PRPF6: variants seen among roughly 807,000 people sequenced by gnomAD.
The protein encoded by PRPF6 is pre-mRNA-processing factor 6.
PRPF6 carries 42 observed loss-of-function variants against 118.3 expected under a neutral mutation model. That is an observed-to-expected ratio of 0.35 (90% CI 0.28 to 0.46). The LOEUF (loss-of-function observed/expected upper bound fraction) is 0.46, where lower values mean the gene tolerates loss of function less well. Among genes scored for constraint, PRPF6 ranks in the 20% least tolerant of loss-of-function variants. The pLI is 1.00. For missense variants in PRPF6, 662 were observed against 1,255.7 expected, an observed-to-expected ratio of 0.53 and a Z score of 7.15; for synonymous variants, 481 against 485.1, an observed-to-expected ratio of 0.99 and a Z score of 0.11.
intron 14 of PRPF6, among the ~76,000 whole-genome samples, chr20:64,024,899 C>T (rs557541502): frequency 5.5e-4 from 84 of 152,242 alleles, no homozygotes; most frequent in Admixed American, 1.9e-3. Context: ...ACTTACCTCT[C>T]GGTCCCCCCA....
chr20:64,001,502 G>A (rs566833571), intron 9 of PRPF6, among the ~76,000 whole-genome samples: 262 of 152,204 alleles, frequency 1.7e-3, no homozygotes, highest in Non-Finnish European at 3.0e-3. Flanking sequence ...GGATGCTTGG[G>A]CGGTCACTCT....
In PRPF6 at chr20:64,026,809, C is replaced by A. The variant is rs1285574715; in HGVS notation, c.2029-173C>A. Among the ~76,000 whole-genome samples, 6 of 151,320 alleles carry A rather than the reference C, an allele frequency of 4.0e-5. No individual in the cohort carries two copies. Among genetic ancestry groups the A allele is most frequent in the African/African-American group, 7.3e-5 (3 of 41,038 alleles). ...AGCGAGACTCTATCTCAAAAAAAAACAAAACAAAACAAAAACATATATTTA... is the reference window on the plus strand; with the variant it reads ...AGCGAGACTCTATCTCAAAAAAAAAAAAAACAAAACAAAAACATATATTTA... On this transcript the variant is annotated intron_variant, in intron 15 of 20. Transcript: ENST00000266079. This position sits in a 1 kb window ranked among gnomAD's most constrained non-coding sequence, Gnocchi z 4.4.
chr20:64,008,421 T>G (rs1405161601), intron 9 of PRPF6, among the ~76,000 whole-genome samples: 1 of 151,586 alleles, frequency 6.6e-6, no homozygotes, highest in African/African-American at 2.4e-5. Flanking sequence ...AGCTTTGTGT[T>G]TTTTTTTTCT....
At chr20:64,023,174 G>T (rs2059274069) in intron 13 of PRPF6, among the ~76,000 whole-genome samples, 1 of 152,252 alleles carries the variant, frequency 6.6e-6, no homozygotes, top group Non-Finnish European at 1.5e-5. Context: ...TAGACTTGAG[G>T]CTGGAGCCCG....
intron 11 of PRPF6, among the ~76,000 whole-genome samples, chr20:64,016,114 A>C (rs776613539): frequency 1.9e-4 from 27 of 144,088 alleles, no homozygotes; most frequent in Non-Finnish European, 3.0e-4. Context: ...AGAGACCTTG[A>C]CTCTCTCTCT....
chr20:64,024,760 G>T, intron 14 of PRPF6, 67 bp downstream of exon 14: 1 of 1,570,210 alleles, frequency 6.4e-7, no homozygotes, highest in Non-Finnish European at 8.6e-7. Context: ...TGCTGACTGG[G>T]GCCTGAAAAT....
chr20:64,029,918 A>G lies in PRPF6; in HGVS notation c.2546+427A>G, dbSNP rs1402555055. 3.2e-3 allele frequency among the ~76,000 whole-genome samples: 296 copies of G among 91,352 alleles called. No individual in the cohort carries two copies. Among genetic ancestry groups the G allele is most frequent in the East Asian group, 0.011 (35 of 3,200 alleles). 59.9% of individuals were successfully genotyped at this position (91,352 alleles called of 152,430 possible). On this transcript the variant is annotated intron_variant, in intron 19 of 20. Coordinates refer to ENST00000266079, the MANE Select transcript of PRPF6 (RefSeq NM_012469.4). The surrounding 1 kb of genome is among the most constrained non-coding windows in gnomAD (Gnocchi z 4.8). Reference sequence around the variant, plus strand: ...GCCGGGTCAGAGACTCACTGGGGACACATGTGATTCACACTGGTGTGCTGG... The same window carrying G: ...GCCGGGTCAGAGACTCACTGGGGACGCATGTGATTCACACTGGTGTGCTGG...
chr20:63,992,062 A>T (rs995656674), intron 3 of PRPF6, among the ~76,000 whole-genome samples: 1 of 152,042 alleles, frequency 6.6e-6, no homozygotes, highest in Non-Finnish European at 1.5e-5. Flanking sequence ...GGTAACTAGG[A>T]TAGTTACTGT....
chr20:64,018,667 T>C (rs990535937), intron 12 of PRPF6, among the ~76,000 whole-genome samples: 12 of 152,286 alleles, frequency 7.9e-5, no homozygotes, highest in African/African-American at 2.6e-4. Flanking sequence ...TATCTCACTA[T>C]GTTGTCCAGG....
At chr20:64,020,438 C>A (rs1160140498) in intron 12 of PRPF6, among the ~76,000 whole-genome samples, 1 of 152,048 alleles carries the variant, frequency 6.6e-6, no homozygotes, top group Non-Finnish European at 1.5e-5. Context: ...CTTTCAGCAT[C>A]TGCAGGGCGC....
Position 64,033,028 on chromosome 20 carries a change from G to A in PRPF6, c.*35G>A. 6.2e-7 allele frequency: 1 copy of A among 1,612,250 alleles called. No individual in the cohort carries two copies. Among genetic ancestry groups the A allele is most frequent in the Non-Finnish European group, 8.5e-7 (1 of 1,179,866 alleles). On this transcript the variant is annotated 3_prime_UTR_variant, in exon 21 of 21. Coordinates refer to ENST00000266079, the MANE Select transcript of PRPF6 (RefSeq NM_012469.4). ...TGCCATGGCCGGTCTCCGTGGGGCA[G>A]GGTTGGGCCGCATGTGGAAGGGCTC...
chr20:64,000,704 G>A (rs964010151), intron 8 of PRPF6, among the ~76,000 whole-genome samples: 4 of 151,896 alleles, frequency 2.6e-5, no homozygotes, highest in African/African-American at 9.7e-5. Context: ...GAGTACCTGG[G>A]ATTATAGGCA....
chr20:64,017,929 C>T (rs545077405), intron 12 of PRPF6, among the ~76,000 whole-genome samples: 1 of 152,340 alleles, frequency 6.6e-6, no homozygotes, highest in East Asian at 1.9e-4. Flanking sequence ...ACAGGCTGGG[C>T]ATGGGGCTGA....
At position 63,983,228 on chromosome 20, in the gene PRPF6, C is replaced by T. The variant is rs781440442; in HGVS notation, c.240+13C>T. ...CAATTACGATGAGGTGAGATGTGTC[C>T]GGCTTTCGTGGCTCCTCCAGCCAGT... On this transcript the variant is annotated intron_variant, in intron 2 of 20. Coordinates refer to ENST00000266079, the MANE Select transcript of PRPF6 (RefSeq NM_012469.4). 1.7e-5 allele frequency: 28 copies of T among 1,613,956 alleles called. No homozygotes were observed. In the East Asian group the frequency reaches 3.1e-4, roughly 18 times the overall value.
At chr20:63,989,340 C>T (rs531984228) in intron 3 of PRPF6, among the ~76,000 whole-genome samples, 3 of 152,202 alleles carry the variant, frequency 2.0e-5, no homozygotes, top group African/African-American at 7.2e-5. Context: ...TAATACCCCA[C>T]AAGCACAGGC....
chr20:64,000,456 CAAAAA>C (rs11476285), intron 8 of PRPF6, among the ~76,000 whole-genome samples: 1 of 111,410 alleles, frequency 9.0e-6, no homozygotes, highest in Non-Finnish European at 1.9e-5. Context: ...GATTCCGTCT[CAAAAA>C]AAAAAAAAAA....
intron 6 of PRPF6, among the ~76,000 whole-genome samples, chr20:63,997,953 C>T (rs575104935): frequency 2.2e-4 from 34 of 152,236 alleles, no homozygotes; most frequent in African/African-American, 3.4e-4. Context: ...CTATGTAGAC[C>T]GCATTCGCTG....
Position 64,032,837 on chromosome 20 carries a change from C to A in PRPF6, c.2674-4C>A. The stretch of plus-strand genomic sequence containing the variant: ...CTGCCTGACGTGCCCTGTGGTCCCC[C>A]CAGGAGCAGCAGGAGGAGGTGAGGA... On this transcript the variant is annotated splice_region_variant and splice_polypyrimidine_tract_variant and intron_variant, in intron 20 of 20. Coordinates refer to ENST00000266079, the MANE Select transcript of PRPF6 (RefSeq NM_012469.4). The A allele has an allele frequency of 6.2e-7, 1 of 1,605,910 alleles. No individual in the cohort carries two copies. Among genetic ancestry groups the A allele is most frequent in the East Asian group, 2.3e-5 (1 of 44,402 alleles).
chr20:64,000,911 T>C (rs1176319455), intron 8 of PRPF6, among the ~76,000 whole-genome samples, 166 bp from the exon 9 acceptor site: 1 of 152,042 alleles, frequency 6.6e-6, no homozygotes, highest in African/African-American at 2.4e-5. Context: ...TGTTCCCAAG[T>C]GTGGTTATAA....
Sources: gnomAD v4.1 joint callset for allele counts (sites outside exome capture counted in the v4.1 genomes callset) on GRCh38, gnomAD v4.1.1 for gene constraint, Gnocchi (gnomAD v3.1) non-coding constraint, MANE v1.5 for transcripts, NCBI Gene and HGNC (gene_info 2026-07-23, HGNC 2026-07-21) for gene names.